Variants in SHTN1 observed in about 807,000 individuals in gnomAD.
SHTN1 encodes the protein shootin 1.
A neutral mutation model predicts 83.1 loss-of-function variants in SHTN1; 42 were observed. The ratio of observed to expected loss-of-function variants is 0.51; its 90% CI spans 0.39 to 0.65. SHTN1 has a LOEUF of 0.65. SHTN1 is among the 30% of genes least tolerant of loss of function. SHTN1 has a pLI of 0.00. For synonymous variants in SHTN1, 224 were observed against 247.7 expected, an observed-to-expected ratio of 0.90 and a Z score of 0.90; for missense variants, 622 against 737.8, an observed-to-expected ratio of 0.84 and a Z score of 1.82.
chr10:117,034,491 A>G (rs935690861), intron 2 of SHTN1, among the ~76,000 whole-genome samples: 3 of 152,158 alleles, frequency 2.0e-5, no homozygotes, highest in Non-Finnish European at 4.4e-5. Flanking sequence ...AAATACAAAA[A>G]TTAGTTGGGT....
intron 1 of SHTN1, among the ~76,000 whole-genome samples, chr10:117,099,062 A>G (rs1853550936): frequency 6.6e-6 from 1 of 150,752 alleles, no homozygotes; most frequent in Non-Finnish European, 1.5e-5. Flanking sequence ...AAGGAACAAA[A>G]TAATGTCTTT....
chr10:117,039,274 A>G (rs1466028831), intron 2 of SHTN1, among the ~76,000 whole-genome samples: 3 of 152,248 alleles, frequency 2.0e-5, no homozygotes. Flanking sequence ...CATTCTGGAA[A>G]AGGCAAAACT....
chr10:117,008,836 G>A (rs938310395), upstream of SHTN1, among the ~76,000 whole-genome samples: 4 of 152,216 alleles, frequency 2.6e-5, no homozygotes, highest in East Asian at 1.9e-4. Flanking sequence ...AGAATTGGCC[G>A]GGCGCTGTGG....
intron 2 of SHTN1, among the ~76,000 whole-genome samples, chr10:117,013,425 C>T (rs1337088341): frequency 3.3e-5 from 5 of 152,164 alleles, no homozygotes; most frequent in East Asian, 1.9e-4. Flanking sequence ...CTGCCCACCT[C>T]GGCCTCCCAA....
intron 2 of SHTN1, among the ~76,000 whole-genome samples, chr10:117,026,883 T>TCTCTACAATCATACAATCTAC (rs1485776133): frequency 4.6e-5 from 7 of 152,000 alleles, no homozygotes. Flanking sequence ...GGGCCTTGAG[T>TCTCTACAATCATACAATCTAC]GAACATAGGT....
At chr10:117,011,553 A>G (rs564696463) in intron 2 of SHTN1, among the ~76,000 whole-genome samples, 1 of 152,348 alleles carries the variant, frequency 6.6e-6, no homozygotes, top group South Asian at 2.1e-4. Context: ...TAAAACAAAT[A>G]CTTGAGTTTA....
In SHTN1 at chr10:116,919,828, C is replaced by T. The variant is rs12571927; in HGVS notation, c.1195+1606G>A. Among the ~76,000 whole-genome samples, 31 of 149,340 alleles carry T rather than the reference C, an allele frequency of 2.1e-4. 1 individual carries two copies. The East Asian group carries it at 4.7e-3, about 22-fold the overall frequency. ...CCATTAATGTGCAGAGGAATAGATT[C>T]CAAAGGATTGCAGAAGGCAGGCACA... On this transcript the variant is annotated intron_variant, in intron 12 of 16. Coordinates refer to ENST00000355371, the MANE Select transcript of SHTN1 (RefSeq NM_001127211.3).
At chr10:117,015,626 C>T (rs375854996) in intron 2 of SHTN1, among the ~76,000 whole-genome samples, 2 of 152,152 alleles carry the variant, frequency 1.3e-5, no homozygotes, top group African/African-American at 4.8e-5. Context: ...CCACCGTGCC[C>T]GGCCTGTAGT....
At chr10:116,930,636 G>A (rs1210914142) in intron 9 of SHTN1, among the ~76,000 whole-genome samples, 1 of 152,170 alleles carries the variant, frequency 6.6e-6, no homozygotes, top group Non-Finnish European at 1.5e-5. Flanking sequence ...TACCACGGAT[G>A]GGCATTGAGG....
intron 2 of SHTN1, among the ~76,000 whole-genome samples, chr10:117,032,954 GA>G (rs2133573939): frequency 6.6e-6 from 1 of 152,172 alleles, no homozygotes; most frequent in South Asian, 2.1e-4. Flanking sequence ...GGTCAATGAA[GA>G]AATTAAGAAG....
At chr10:116,962,978 C>T (rs528015095) in intron 3 of SHTN1, among the ~76,000 whole-genome samples, 41 of 142,522 alleles carry the variant, frequency 2.9e-4, no homozygotes, top group South Asian at 6.6e-4. Context: ...AGTCACATGA[C>T]GCAAAACAGA....
chr10:116,930,067 A>G, intron 9 of SHTN1, 65 bp from the exon 10 acceptor site: 1 of 1,110,914 alleles, frequency 9.0e-7, no homozygotes, highest in South Asian at 1.7e-5. Flanking sequence ...AAAGAAAAGA[A>G]AGGGAAAAAA....
At chr10:117,093,605 T>C (rs922749098) in intron 1 of SHTN1, among the ~76,000 whole-genome samples, 3 of 152,144 alleles carry the variant, frequency 2.0e-5, no homozygotes, top group Non-Finnish European at 4.4e-5. Context: ...TGAGGCCAGA[T>C]TCAAACTCCG....
intron 9 of SHTN1, among the ~76,000 whole-genome samples, chr10:116,939,750 A>G (rs1849299180): frequency 6.6e-6 from 1 of 152,240 alleles, no homozygotes; most frequent in Admixed American, 6.5e-5. Flanking sequence ...AGGTGGTAAC[A>G]AGTAGCAGCT....
At chr10:117,013,414 T>A (rs1254905862) in intron 2 of SHTN1, among the ~76,000 whole-genome samples, 1 of 152,182 alleles carries the variant, frequency 6.6e-6, no homozygotes, top group East Asian at 1.9e-4. Flanking sequence ...TCTCAGGTGA[T>A]CTGCCCACCT....
At chr10:116,907,980 G>A (rs1445325371) in intron 14 of SHTN1, 2 of 492,652 alleles carry the variant, frequency 4.1e-6, no homozygotes, top group South Asian at 1.5e-5. Context: ...TTTACAAGAA[G>A]CCTTGTTTCT....
intron 9 of SHTN1, among the ~76,000 whole-genome samples, chr10:116,933,860 C>A (rs1020906099): frequency 6.6e-6 from 1 of 152,198 alleles, no homozygotes; most frequent in Non-Finnish European, 1.5e-5. Flanking sequence ...GATCGCCATT[C>A]TAACTGGCAT....
chr10:117,016,638 C>T (rs572252691), intron 2 of SHTN1, among the ~76,000 whole-genome samples: 1 of 152,256 alleles, frequency 6.6e-6, no homozygotes, highest in East Asian at 1.9e-4. Flanking sequence ...AACTCCTGAC[C>T]TTAGGTGATC....
intron 1 of SHTN1, among the ~76,000 whole-genome samples, chr10:116,989,079 C>T (rs191903135): frequency 9.2e-5 from 14 of 151,852 alleles, no homozygotes; most frequent in African/African-American, 2.9e-4. Flanking sequence ...TAAAAAAAAA[C>T]AGTATTTTTA....
Sources: gnomAD v4.1 joint callset for allele counts (sites outside exome capture counted in the v4.1 genomes callset) on GRCh38, gnomAD v4.1.1 for gene constraint, MANE v1.5 for transcripts, NCBI Gene and HGNC (gene_info 2026-07-23, HGNC 2026-07-21) for gene names.